Variants in UNC13D observed in about 807,000 individuals in gnomAD.
UNC13D encodes the protein unc-13 homolog D, also known as protein unc-13 homolog D.
UNC13D carries 115 observed loss-of-function variants against 151.7 expected under a neutral mutation model. The ratio of observed to expected loss-of-function variants is 0.76; its 90% CI spans 0.65 to 0.88. The LOEUF (loss-of-function observed/expected upper bound fraction) is 0.88. Ranked by LOEUF, UNC13D falls within the 40% of genes least tolerant of loss-of-function variation. UNC13D has a pLI of 0.00. For synonymous variants in UNC13D, 588 were observed against 612.2 expected, an observed-to-expected ratio of 0.96 and a Z score of 0.58; for missense variants, 1,369 against 1,438.7, an observed-to-expected ratio of 0.95 and a Z score of 0.78.
At chr17:75,836,317 A>G (rs766597777) in intron 15 of UNC13D, 22 bp downstream of exon 15, 2 of 1,613,546 alleles carry the variant, frequency 1.2e-6, no homozygotes, top group Non-Finnish European at 1.7e-6. Context: ...GGTCTCCCCC[A>G]TCCCCAGCGC....
chr17:75,838,306 C>T (rs2064922702), intron 12 of UNC13D, among the ~76,000 whole-genome samples: 1 of 151,816 alleles, frequency 6.6e-6, no homozygotes, highest in African/African-American at 2.4e-5. Flanking sequence ...GCAACCTCCA[C>T]CTCCCGGGTT....
Position 75,839,943 on chromosome 17 carries a change from C to T in UNC13D, c.952-1G>A, listed in dbSNP as rs754550133. The T allele has an allele frequency of 6.2e-7, 1 of 1,613,704 alleles. No homozygotes were observed. The highest frequency in any genetic ancestry group is 8.5e-7 in the Non-Finnish European group (1 of 1,179,966). Reference sequence around the variant, plus strand: ...ACCCGTCCCAGGAGGTGCTTCCCGCCTGAGGGGAGCAGGTGGAGGAGTGTC... The same window carrying T: ...ACCCGTCCCAGGAGGTGCTTCCCGCTTGAGGGGAGCAGGTGGAGGAGTGTC... On this transcript the variant is annotated splice_acceptor_variant, in intron 11 of 31. Transcript: ENST00000207549. LOFTEE classifies it high-confidence loss of function.
chr17:75,843,279 G>C lies in UNC13D; in HGVS notation c.154-13C>G. The stretch of plus-strand genomic sequence containing the variant: ...AGAGCAGGGCCCGCTAAGACACACG[G>C]GGTCACCTTGGGGACCCCACCAGCC... On this transcript the variant is annotated splice_polypyrimidine_tract_variant and intron_variant, in intron 2 of 31. Coordinates refer to ENST00000207549, the MANE Select transcript of UNC13D (RefSeq NM_199242.3). 1 of 1,604,226 alleles carries C rather than the reference G, an allele frequency of 6.2e-7. No homozygotes were observed. The highest frequency in any genetic ancestry group is 8.5e-7 in the Non-Finnish European group (1 of 1,179,770).
At position 75,833,235 on chromosome 17, in the gene UNC13D, C is replaced by T. The variant is rs1048860355; in HGVS notation, c.2368-190G>A. On this transcript the variant is annotated intron_variant, in intron 24 of 31. Coordinates refer to ENST00000207549, the MANE Select transcript of UNC13D (RefSeq NM_199242.3). This position sits in a 1 kb window ranked among gnomAD's most constrained non-coding sequence, Gnocchi z 4.0. ...TCCGTTGCTCAGCCTGTCCCAGCCA[C>T]ACTGGCCTCCTCTACAGCCCTGGAA... 1.3e-4 allele frequency: 72 copies of T among 565,432 alleles called. No individual in the cohort carries two copies. The highest frequency in any genetic ancestry group is 2.2e-4 in the East Asian group (7 of 32,102). The allele number at this position is 565,432 out of a possible 1,614,324, so 35.0% of individuals were successfully genotyped here. A position where few individuals can be genotyped will look rare whatever the true frequency, so the allele number is the denominator to read the frequency against.
chr17:75,828,862 G>C lies in UNC13D; in HGVS notation c.3076C>G (p.Pro1026Ala). 1 of 1,597,170 alleles carries C rather than the reference G, an allele frequency of 6.3e-7. No individual in the cohort carries two copies. The highest frequency in any genetic ancestry group is 1.7e-5 in the Admixed American group (1 of 57,590). Reference sequence around the variant, plus strand: ...GGCTCCTCAGAGCCACTCAGCCCGGGCACCTCACGCAGCGGCAGGAAGGCC... The same window carrying C: ...GGCTCCTCAGAGCCACTCAGCCCGGCCACCTCACGCAGCGGCAGGAAGGCC... ...GEAFLPLREVPGLSGSEEPGE... is the reference protein window; with the variant it reads ...GEAFLPLREVAGLSGSEEPGE... The change falls in exon 31 of 32, where the codon CCC becomes GCC. Residue 1026 changes from proline to alanine, a missense_variant. Physicochemically the swap from Pro to Ala is conservative, Grantham distance 27 (BLOSUM62 -1). Around this residue, in one of 3 missense-constraint regions of UNC13D, gnomAD observed 807 missense variants for 795.5 expected, o/e 1.01. Transcript: ENST00000207549.
At position 75,832,949 on chromosome 17, in the gene UNC13D, C is replaced by T; in HGVS notation, c.2447+17G>A. On this transcript the variant is annotated intron_variant, in intron 25 of 31. Transcript: ENST00000207549. This position sits in a 1 kb window ranked among gnomAD's most constrained non-coding sequence, Gnocchi z 4.3. ...GGGGAGGTGGCGAGCGCGCCCAGGGCAGGGGCTGCTACAGACCTGCTGAAG... is the reference window on the plus strand; with the variant it reads ...GGGGAGGTGGCGAGCGCGCCCAGGGTAGGGGCTGCTACAGACCTGCTGAAG... 3.2e-6 allele frequency: 5 copies of T among 1,570,668 alleles called. No individual in the cohort carries two copies. The highest frequency in any genetic ancestry group is 4.3e-6 in the Non-Finnish European group (5 of 1,157,158).
At chr17:75,842,955 T>C (rs2064959498) in intron 4 of UNC13D, 32 bp from the exon 5 acceptor site, 1 of 1,613,054 alleles carries the variant, frequency 6.2e-7, no homozygotes, top group Admixed American at 1.7e-5. Context: ...CCTGAGTCCC[T>C]GAGGGGGCTG....
In UNC13D at chr17:75,840,400, G is replaced by A. The variant is rs1642214999; in HGVS notation, c.754-71C>T. The A allele has an allele frequency of 1.2e-6, 2 of 1,606,798 alleles. No homozygotes were observed. Among genetic ancestry groups the A allele is most frequent in the Non-Finnish European group, 1.7e-6 (2 of 1,174,528 alleles). On this transcript the variant is annotated intron_variant, in intron 9 of 31. Coordinates refer to ENST00000207549, the MANE Select transcript of UNC13D (RefSeq NM_199242.3). The surrounding 1 kb of genome is among the most constrained non-coding windows in gnomAD (Gnocchi z 4.6). ...AGTCGGGGCAGCGGAGGCGACAGGAGGTGGACCCCAGGCTCAGCTTTGTGA... is the reference window on the plus strand; with the variant it reads ...AGTCGGGGCAGCGGAGGCGACAGGAAGTGGACCCCAGGCTCAGCTTTGTGA...
At chr17:75,843,427 A>C (rs1180021100) in intron 2 of UNC13D, 57 bp downstream of exon 2, 1 of 1,581,494 alleles carries the variant, frequency 6.3e-7, no homozygotes, top group African/African-American at 1.3e-5. Flanking sequence ...GTCGGCCGGC[A>C]GGAGGACACA....
chr17:75,834,243 T>G (rs2064890951), intron 23 of UNC13D, 82 bp downstream of exon 23: 1 of 1,584,788 alleles, frequency 6.3e-7, no homozygotes, highest in Non-Finnish European at 8.6e-7. Flanking sequence ...GGGTCAGGGT[T>G]GGACCTTGGC....
chr17:75,836,942 G>A, intron 12 of UNC13D, 24 bp from the exon 13 acceptor site: 1 of 1,609,586 alleles, frequency 6.2e-7, no homozygotes, highest in South Asian at 1.1e-5. Context: ...GAAGCCCTCA[G>A]CTGGACAGGG....
At position 75,843,283 on chromosome 17, in the gene UNC13D, C is replaced by A; in HGVS notation, c.154-17G>T. The A allele has an allele frequency of 6.2e-7, 1 of 1,604,086 alleles. No individual in the cohort carries two copies. On this transcript the variant is annotated splice_polypyrimidine_tract_variant and intron_variant, in intron 2 of 31. Coordinates refer to ENST00000207549, the MANE Select transcript of UNC13D (RefSeq NM_199242.3). The stretch of plus-strand genomic sequence containing the variant: ...CAGGGCCCGCTAAGACACACGGGGT[C>A]ACCTTGGGGACCCCACCAGCCACCC...
At position 75,833,471 on chromosome 17, in the gene UNC13D, C is replaced by T. The variant is rs1466968765; in HGVS notation, c.2368-426G>A. On this transcript the variant is annotated intron_variant, in intron 24 of 31. Coordinates refer to ENST00000207549, the MANE Select transcript of UNC13D (RefSeq NM_199242.3). This position sits in a 1 kb window ranked among gnomAD's most constrained non-coding sequence, Gnocchi z 4.0. Reference sequence around the variant, plus strand: ...TTTTAAATTTTCTCTGTAGACTTATCATTATCTAGCACACTGCATGTGTGT... The same window carrying T: ...TTTTAAATTTTCTCTGTAGACTTATTATTATCTAGCACACTGCATGTGTGT... Among the ~76,000 whole-genome samples the T allele has an allele frequency of 1.9e-5, 2 of 106,116 alleles. No individual in the cohort carries two copies. The highest frequency in any genetic ancestry group is 1.4e-4 in the African/African-American group (2 of 14,152). 69.6% of individuals were successfully genotyped at this position (106,116 alleles called of 152,430 possible).
chr17:75,841,044 A>G (rs757188072), intron 6 of UNC13D, 43 bp from the exon 7 acceptor site: 1 of 1,570,230 alleles, frequency 6.4e-7, no homozygotes. Flanking sequence ...TGGAGGGTGG[A>G]TGCCCCCAGA....
chr17:75,840,600 G>A lies in UNC13D; in HGVS notation c.684-24C>T, dbSNP rs370032479. 1.2e-6 allele frequency: 2 copies of A among 1,613,942 alleles called. No homozygotes were observed. Among genetic ancestry groups the A allele is most frequent in the Non-Finnish European group, 1.7e-6 (2 of 1,179,990 alleles). ...TCCTGCGTCAGGCAGGGTCCCATAAGGGGGACGCAGCAAGGGTCGGAAGGG... is the reference window on the plus strand; with the variant it reads ...TCCTGCGTCAGGCAGGGTCCCATAAAGGGGACGCAGCAAGGGTCGGAAGGG... On this transcript the variant is annotated intron_variant, in intron 8 of 31. Transcript: ENST00000207549. This position sits in a 1 kb window ranked among gnomAD's most constrained non-coding sequence, Gnocchi z 4.6.
chr17:75,843,158 C>A lies in UNC13D; in HGVS notation c.261+1G>T. 6.2e-7 allele frequency: 1 copy of A among 1,611,882 alleles called. No homozygotes were observed. The highest frequency in any genetic ancestry group is 2.2e-5 in the East Asian group (1 of 44,878). On this transcript the variant is annotated splice_donor_variant, in intron 3 of 31. Transcript: ENST00000207549. LOFTEE classifies it high-confidence loss of function. ...GGGGGTGGGGTGGGAGCCGGGCTCA[C>A]CTCCTGCAGGTATCGCAGCAGCTCA...
Position 75,832,911 on chromosome 17 carries a change from C to T in UNC13D, c.2447+55G>A, listed in dbSNP as rs756204110. 3.3e-6 allele frequency: 5 copies of T among 1,519,020 alleles called. No individual in the cohort carries two copies. Among genetic ancestry groups the T allele is most frequent in the East Asian group, 4.8e-5 (2 of 41,556 alleles). 94.1% of individuals were successfully genotyped at this position (1,519,020 alleles called of 1,614,324 possible). A position where few individuals can be genotyped will look rare whatever the true frequency, so the allele number is the denominator to read the frequency against. ...ATGCTGGGGCCCAGGAAGGAGGGGC[C>T]GTGGGAGGAGAGGGGGAGGTGGCGA... On this transcript the variant is annotated intron_variant, in intron 25 of 31. Transcript: ENST00000207549. This position sits in a 1 kb window ranked among gnomAD's most constrained non-coding sequence, Gnocchi z 4.3.
chr17:75,831,075 G>T, intron 27 of UNC13D, 23 bp downstream of exon 27: 1 of 1,613,544 alleles, frequency 6.2e-7, no homozygotes, highest in Non-Finnish European at 8.5e-7. Flanking sequence ...CTTCCTACGG[G>T]GAAGCTCACC....
In UNC13D at chr17:75,827,689, G is replaced by A. The variant is rs540424744; in HGVS notation, c.*276C>T. On this transcript the variant is annotated 3_prime_UTR_variant, in exon 32 of 32. Transcript: ENST00000207549. ...CACCACAGCAGCTTTTCTGAGAGGC[G>A]GGCAGGGGCAGGGTTTGCTCCCCCT... The A allele has an allele frequency of 9.8e-6, 15 of 1,526,588 alleles. No homozygotes were observed. In the East Asian group the frequency reaches 1.5e-4, roughly 15 times the overall value. The allele number at this position is 1,526,588 out of a possible 1,614,324, so 94.6% of individuals were successfully genotyped here. A position where few individuals can be genotyped will look rare whatever the true frequency, so the allele number is the denominator to read the frequency against.
Sources: allele counts gnomAD v4.1 joint callset (sites outside exome capture counted in the v4.1 genomes callset), GRCh38; gene constraint gnomAD v4.1.1; regional missense constraint gnomAD v4.1.1; non-coding constraint Gnocchi (gnomAD v3.1); transcripts MANE v1.5; gene names NCBI Gene and HGNC (gene_info 2026-07-23, HGNC 2026-07-21).